RTKN: variants seen among roughly 807,000 people sequenced by gnomAD.
The protein encoded by RTKN is rhotekin.
In RTKN, 49 loss-of-function variants were observed where a neutral mutation model predicts 63.5. That is an observed-to-expected ratio of 0.77 (90% CI 0.61 to 0.98). The LOEUF (loss-of-function observed/expected upper bound fraction) is 0.98, where lower values mean the gene tolerates loss of function less well. Ranked by LOEUF, RTKN falls within the 50% of genes least tolerant of loss-of-function variation. The pLI is 0.00. For synonymous variants in RTKN, 295 were observed against 290.4 expected (o/e 1.02, Z -0.16); for missense variants, 685 against 740.8 (o/e 0.92, Z 0.87).
At chr2:74,428,442 T>C (rs779062507) in intron 8 of RTKN, 46 bp from the exon 9 acceptor site, 13 of 1,613,746 alleles carry the variant, frequency 8.1e-6, no homozygotes, top group Non-Finnish European at 1.1e-5. Flanking sequence ...CGGCCCCCAG[T>C]ATCCCTCTTC....
rs555007626 is a variant in RTKN at position 74,441,855 on chromosome 2, C to G, written c.-39G>C. On this transcript the variant is annotated 5_prime_UTR_variant, in exon 1 of 12. Transcript: ENST00000272430. ...CGACTTTGCCTGCTCAGTGCGCTCC[C>G]CGCGCCGCCCGGCTTAGCCTCCTCT... The G allele has an allele frequency of 2.3e-6, 3 of 1,331,592 alleles. No homozygotes were observed. The highest frequency in any genetic ancestry group is 3.2e-6 in the Non-Finnish European group (3 of 941,720). 82.5% of individuals were successfully genotyped at this position (1,331,592 alleles called of 1,614,324 possible).
chr2:74,427,538 G>T lies in RTKN; in HGVS notation c.1141C>A (p.Leu381Ile), dbSNP rs149791671. ...TCCCCATACTGGTTACTGATGCTTA[G>T]GGTGAAGGGCCGTCCTAGAGCCTGG... ...LDQALGRPFT[L>I]SISNQYGDDE... The change falls in exon 10 of 12, where the codon CTA (leucine) becomes ATA (isoleucine). Residue 381 changes from leucine to isoleucine, a missense_variant. Coordinates refer to ENST00000272430, the MANE Select transcript of RTKN (RefSeq NM_001015055.2). 305 of 1,614,068 alleles carry T rather than the reference G, an allele frequency of 1.9e-4. 2 individuals carry two copies. In the African/African-American group the frequency reaches 3.4e-3, roughly 18 times the overall value.
intron 1 of RTKN, among the ~76,000 whole-genome samples, chr2:74,435,629 A>G (rs1671013919): frequency 6.6e-6 from 1 of 152,208 alleles, no homozygotes; most frequent in Non-Finnish European, 1.5e-5. Context: ...GGAAAGCTTC[A>G]GAGAGGAGTT....
Position 74,428,741 on chromosome 2 carries a change from G to A in RTKN, c.851-4C>T, listed in dbSNP as rs371381649. 2.5e-6 allele frequency: 4 copies of A among 1,612,178 alleles called. No individual in the cohort carries two copies. The highest frequency in any genetic ancestry group is 2.7e-5 in the African/African-American group (2 of 74,860). ...GGCAGCCAGGCAGGGTTCTCCTCTGGGGGAGGAGGAAGTGCAGGGTGAGGT... is the reference window on the plus strand; with the variant it reads ...GGCAGCCAGGCAGGGTTCTCCTCTGAGGGAGGAGGAAGTGCAGGGTGAGGT... On this transcript the variant is annotated splice_polypyrimidine_tract_variant and splice_region_variant and intron_variant, in intron 7 of 11. Transcript: ENST00000272430.
chr2:74,438,545 G>T (rs1329411504), intron 1 of RTKN, among the ~76,000 whole-genome samples: 1 of 152,074 alleles, frequency 6.6e-6, no homozygotes, highest in Non-Finnish European at 1.5e-5. Context: ...CCCTTCCATG[G>T]CCCAACATCA....
chr2:74,432,956 T>C (rs1226518609), intron 1 of RTKN, among the ~76,000 whole-genome samples: 2 of 151,848 alleles, frequency 1.3e-5, no homozygotes, highest in African/African-American at 2.4e-5. Flanking sequence ...TAAAAAAATA[T>C]ATAACAGCCG....
intron 1 of RTKN, among the ~76,000 whole-genome samples, chr2:74,438,824 T>C (rs1270194949): frequency 6.6e-6 from 1 of 152,384 alleles, no homozygotes; most frequent in Non-Finnish European, 1.5e-5. Flanking sequence ...CATCTGATTT[T>C]CATTACATCC....
At position 74,428,402 on chromosome 2, in the gene RTKN, C is replaced by G; in HGVS notation, c.958-6G>C. 1 of 1,614,188 alleles carries G rather than the reference C, an allele frequency of 6.2e-7. No individual in the cohort carries two copies. Among genetic ancestry groups the G allele is most frequent in the Non-Finnish European group, 8.5e-7 (1 of 1,180,028 alleles). Reference sequence around the variant, plus strand: ...TTCTGCATCTCCCCAGCTTGCTGCACAAATGACTCAACATTTTCTGGGGAA... The same window carrying G: ...TTCTGCATCTCCCCAGCTTGCTGCAGAAATGACTCAACATTTTCTGGGGAA... On this transcript the variant is annotated splice_polypyrimidine_tract_variant and splice_region_variant and intron_variant, in intron 8 of 11. Coordinates refer to ENST00000272430, the MANE Select transcript of RTKN (RefSeq NM_001015055.2).
At chr2:74,427,863 G>GCC (rs1670499592) in intron 9 of RTKN, 2 of 508,378 alleles carry the variant, frequency 3.9e-6, no homozygotes, top group South Asian at 5.6e-5. Flanking sequence ...GGATGCTCCA[G>GCC]CCAGAGGTCC....
intron 1 of RTKN, among the ~76,000 whole-genome samples, chr2:74,438,199 C>T (rs919727265): frequency 2.6e-5 from 4 of 152,282 alleles, no homozygotes; most frequent in East Asian, 3.9e-4. Flanking sequence ...TCCCCATCTC[C>T]GTAAACAGCC....
intron 9 of RTKN, 75 bp from the exon 10 acceptor site, chr2:74,427,667 C>A: frequency 6.8e-7 from 1 of 1,473,986 alleles, no homozygotes; most frequent in Non-Finnish European, 9.3e-7. Flanking sequence ...ATCACGCCTG[C>A]CTTAGAAGAA....
At position 74,430,265 on chromosome 2, in the gene RTKN, T is replaced by C; in HGVS notation, c.532A>G (p.Ser178Gly). 1 of 1,613,654 alleles carries C rather than the reference T, an allele frequency of 6.2e-7. No individual in the cohort carries two copies. The change falls in exon 5 of 12, where the codon AGC becomes GGC. Residue 178 changes from serine to glycine, a missense_variant. Physicochemically the swap from Ser to Gly is moderately conservative, Grantham distance 56. Transcript: ENST00000272430. ...TGAGGTACTCACAAGAGCACATTGC[T>C]CTGAAAGGAGATGTCTGTGAGGGTC... Reference protein sequence around the residue: ...DRTLTDISFQSNVLFAEAGPD... With the variant: ...DRTLTDISFQGNVLFAEAGPD...
At chr2:74,429,310 T>A (rs1325950291) in intron 6 of RTKN, among the ~76,000 whole-genome samples, 2 of 152,048 alleles carry the variant, frequency 1.3e-5, no homozygotes, top group East Asian at 3.9e-4. Context: ...TACCCAAAGG[T>A]TCTCAAACTG....
In RTKN at chr2:74,429,938, G is replaced by T; in HGVS notation, c.645C>A (p.Thr215=). The stretch of plus-strand genomic sequence containing the variant: ...AGCGGCCCAGGGAGCTGCTGAGTTT[G>T]GTGGCAAGCCTCTTGGGGCCGCCAG... ...ALTGGPKRLA[T]KLSSSLGRSS... Residue 215 remains threonine, a synonymous_variant, in exon 6 of 12, where the codon ACC becomes ACA. Coordinates refer to ENST00000272430, the MANE Select transcript of RTKN (RefSeq NM_001015055.2). 1.2e-6 allele frequency: 2 copies of T among 1,614,206 alleles called. No homozygotes were observed. The highest frequency in any genetic ancestry group is 1.7e-6 in the Non-Finnish European group (2 of 1,180,014).
At position 74,441,901 on chromosome 2, in the gene RTKN, C is replaced by T; in HGVS notation, c.-85G>A. 1 of 789,176 alleles carries T rather than the reference C, an allele frequency of 1.3e-6. No homozygotes were observed. The highest frequency in any genetic ancestry group is 2.1e-6 in the Non-Finnish European group (1 of 482,394). 48.9% of individuals were successfully genotyped at this position (789,176 alleles called of 1,614,324 possible). On this transcript the variant is annotated 5_prime_UTR_variant, in exon 1 of 12. Coordinates refer to ENST00000272430, the MANE Select transcript of RTKN (RefSeq NM_001015055.2). ...CCTCTCCTCGGCTTCTGTCTCTCGA[C>T]GCTCGTCCGCCAGTCCGGCCGGGAA...
intron 1 of RTKN, among the ~76,000 whole-genome samples, chr2:74,437,227 T>C (rs1671113186): frequency 6.6e-6 from 1 of 152,214 alleles, no homozygotes. Flanking sequence ...GTTTGAGAAT[T>C]ATATGGGAAA....
In RTKN at chr2:74,426,389, G is replaced by A; in HGVS notation, c.1546C>T (p.Pro516Ser). ...ACAGCATCCAGGGAAAAGGTTCGGG[G>A]TCTCCCCCAGGGCAGGGGGTGGGTC... is the stretch of plus-strand genomic sequence containing the variant. ...DWTHPLPWGRPRTFSLDAVPP... is the reference protein window; with the variant it reads ...DWTHPLPWGRSRTFSLDAVPP... The change falls in exon 12 of 12, where the codon CCC becomes TCC. Residue 516 changes from proline (P) to serine (S), a missense_variant. Physicochemically the swap from Pro to Ser is moderately conservative, Grantham distance 74. Transcript: ENST00000272430. 1 of 1,611,396 alleles carries A rather than the reference G, an allele frequency of 6.2e-7. No homozygotes were observed. The highest frequency in any genetic ancestry group is 8.5e-7 in the Non-Finnish European group (1 of 1,178,628).
chr2:74,426,962 G>T (rs1670431483), intron 11 of RTKN: 1 of 985,280 alleles, frequency 1.0e-6, no homozygotes, highest in African/African-American at 1.7e-5. Context: ...CTGGCTCACT[G>T]GGGTTTTGTT....
At chr2:74,440,937 TCCTTGGGCGAGTGTGAGTCTGA>T (rs1671334347) in intron 1 of RTKN, among the ~76,000 whole-genome samples, 1 of 152,208 alleles carries the variant, frequency 6.6e-6, no homozygotes, top group African/African-American at 2.4e-5. Flanking sequence ...AACTGGGCTC[TCCTTGGGCGAGTGTGAGTCTGA>T]CCTTGGGGAC....
Sources: allele counts gnomAD v4.1 joint callset (sites outside exome capture counted in the v4.1 genomes callset), GRCh38; gene constraint gnomAD v4.1.1; transcripts MANE v1.5; gene names NCBI Gene and HGNC (gene_info 2026-07-23, HGNC 2026-07-21).